The following EYS variants were observed in gnomAD, a reference collection of about 807,000 sequenced individuals.
EYS encodes EGF-like photoreceptor maintenance factor, also known as protein eyes shut homolog.
A neutral mutation model predicts 282.1 loss-of-function variants in EYS; 250 were observed. That is an observed-to-expected ratio of 0.89 (90% CI 0.80 to 0.98). The LOEUF is 0.98. Among genes scored for constraint, EYS ranks in the 50% least tolerant of loss-of-function variants. The pLI, the probability that EYS is intolerant of heterozygous loss-of-function variation, is 0.00. For synonymous variants in EYS, 1,355 were observed against 1,282.9 expected, an observed-to-expected ratio of 1.06 and a Z score of -1.20; for missense variants, 4,016 against 3,709.0, an observed-to-expected ratio of 1.08 and a Z score of -2.15.
At chr6:65,322,225 A>C (rs1769494991) in intron 11 of EYS, among the ~76,000 whole-genome samples, 3 of 152,142 alleles carry the variant, frequency 2.0e-5, no homozygotes, top group Admixed American at 2.0e-4. Context: ...CCACAGAGAG[A>C]GGAACCAGAT....
chr6:65,370,621 T>C lies in EYS; in HGVS notation c.1299+13765A>G, dbSNP rs571839485. 1.3e-5 allele frequency among the ~76,000 whole-genome samples: 2 copies of C among 151,696 alleles called. 1 individual carries two copies. Among genetic ancestry groups the C allele is most frequent in the Admixed American group, 1.3e-4 (2 of 14,906 alleles). On this transcript the variant is annotated intron_variant, in intron 8 of 42. Transcript: ENST00000503581. ...AAATTTTTTTTATGTATCACTTAATTTTTCCCACCTTGCAACAAATGCATC... is the reference window on the plus strand; with the variant it reads ...AAATTTTTTTTATGTATCACTTAATCTTTCCCACCTTGCAACAAATGCATC...
At chr6:64,099,468 C>T (rs1328470563) in intron 31 of EYS, among the ~76,000 whole-genome samples, 1 of 152,198 alleles carries the variant, frequency 6.6e-6, no homozygotes, top group African/African-American at 2.4e-5. Context: ...TATACCTTCA[C>T]AGTCTTGTCT....
At chr6:63,910,010 C>A (rs1428756744) in intron 35 of EYS, among the ~76,000 whole-genome samples, 1 of 151,874 alleles carries the variant, frequency 6.6e-6, no homozygotes, top group Non-Finnish European at 1.5e-5. Context: ...GTGCAGTGAG[C>A]CAAGGATGGA....
intron 41 of EYS, among the ~76,000 whole-genome samples, chr6:63,735,375 A>G (rs1049715585): frequency 1.3e-5 from 2 of 152,036 alleles, no homozygotes; most frequent in Non-Finnish European, 2.9e-5. Context: ...GCCATAACAA[A>G]AAGAACTCTC....
chr6:64,214,140 G>A (rs1008591213), intron 31 of EYS, among the ~76,000 whole-genome samples: 5 of 152,096 alleles, frequency 3.3e-5, no homozygotes, highest in South Asian at 2.1e-4. Flanking sequence ...AACTCCTTGT[G>A]TAAGAAGAAA....
intron 34 of EYS, among the ~76,000 whole-genome samples, chr6:63,985,544 A>T (rs1767315342): frequency 6.6e-6 from 1 of 151,732 alleles, no homozygotes. Context: ...TGGAATGTTG[A>T]AAATGTTACC....
In EYS at chr6:64,326,364, T is replaced by C. The variant is rs368613247; in HGVS notation, c.6079-19282A>G. On this transcript the variant is annotated intron_variant, in intron 29 of 42. Coordinates refer to ENST00000503581, the MANE Select transcript of EYS (RefSeq NM_001142800.2). ...CATGCCTGCAGGGTCACAAGACCAA[T>C]AAGTTTAGGTCGCAAGACATGTTTC... Among the ~76,000 whole-genome samples the C allele has an allele frequency of 2.0e-5, 3 of 152,076 alleles. No individual in the cohort carries two copies. In the South Asian group the frequency reaches 6.2e-4, roughly 32 times the overall value.
chr6:65,344,397 A>C (rs559437592), intron 9 of EYS, among the ~76,000 whole-genome samples: 1 of 151,644 alleles, frequency 6.6e-6, no homozygotes, highest in Non-Finnish European at 1.5e-5. Context: ...CACAAGAAGA[A>C]GAAGAGACAG....
chr6:63,989,558 T>A (rs1323958727), intron 34 of EYS, among the ~76,000 whole-genome samples: 2 of 151,668 alleles, frequency 1.3e-5, no homozygotes, highest in Non-Finnish European at 3.0e-5. Context: ...TTAATATATA[T>A]TTTTATTTTT....
intron 2 of EYS, among the ~76,000 whole-genome samples, chr6:65,564,351 T>A (rs896650589): frequency 3.9e-5 from 6 of 152,110 alleles, no homozygotes; most frequent in East Asian, 1.9e-4. Flanking sequence ...GTGGGAGGCA[T>A]CATGCTCCCT....
At chr6:65,601,232 A>C (rs1232234366) in intron 2 of EYS, among the ~76,000 whole-genome samples, 1 of 151,950 alleles carries the variant, frequency 6.6e-6, no homozygotes, top group Non-Finnish European at 1.5e-5. Flanking sequence ...TTAATTTGAG[A>C]GTAGTTTTAA....
At chr6:63,991,295 A>G (rs1371239716) in intron 34 of EYS, among the ~76,000 whole-genome samples, 2 of 151,672 alleles carry the variant, frequency 1.3e-5, no homozygotes, top group Non-Finnish European at 3.0e-5. Flanking sequence ...GTCTTATCAA[A>G]TGTGTGGATT....
chr6:63,849,982 A>G (rs189510516), intron 36 of EYS, among the ~76,000 whole-genome samples: 2 of 152,194 alleles, frequency 1.3e-5, no homozygotes, highest in East Asian at 3.9e-4. Flanking sequence ...AAGAACATAA[A>G]TGATCTGATG....
intron 22 of EYS, among the ~76,000 whole-genome samples, chr6:64,770,281 T>C (rs952491300): frequency 5.3e-5 from 8 of 151,956 alleles, no homozygotes; most frequent in African/African-American, 1.7e-4. Context: ...GGAATAGAAA[T>C]GGTTTGTAAA....
intron 29 of EYS, among the ~76,000 whole-genome samples, chr6:64,349,738 T>G (rs2150402381): frequency 6.6e-6 from 1 of 151,566 alleles, no homozygotes; most frequent in South Asian, 2.1e-4. Context: ...CTGCAATTTG[T>G]TAATGCCCTA....
At chr6:64,434,023 A>C (rs1774655533) in intron 28 of EYS, among the ~76,000 whole-genome samples, 1 of 152,048 alleles carries the variant, frequency 6.6e-6, no homozygotes, top group South Asian at 2.1e-4. Flanking sequence ...AGTACCTGAG[A>C]ATGTGACTAT....
intron 15 of EYS, among the ~76,000 whole-genome samples, chr6:64,921,582 GA>G (rs1375914590): frequency 6.6e-6 from 1 of 152,078 alleles, no homozygotes; most frequent in African/African-American, 2.4e-5. Context: ...AGTCAAGCCG[GA>G]GTCCAAGTGA....
Position 64,910,441 on chromosome 6 carries a change from T to C in EYS, c.2641+2043A>G, listed in dbSNP as rs544878564. On this transcript the variant is annotated intron_variant, in intron 16 of 42. Transcript: ENST00000503581. ...ACGTTATTACAGTATTCAGATCTGA[T>C]TTACAGAAACATACTCCACAATTAG... 2.0e-3 allele frequency among the ~76,000 whole-genome samples: 305 copies of C among 152,168 alleles called. 1 individual carries two copies. The highest frequency in any genetic ancestry group is 7.2e-3 in the African/African-American group (299 of 41,524).
intron 5 of EYS, among the ~76,000 whole-genome samples, chr6:65,412,375 G>GTTAA (rs1170419014): frequency 2.6e-5 from 4 of 152,130 alleles, no homozygotes; most frequent in African/African-American, 9.7e-5. Context: ...GGGTCATATG[G>GTTAA]TTAAGGCATG....
Sources: gnomAD v4.1 joint callset for allele counts (sites outside exome capture counted in the v4.1 genomes callset) on GRCh38, gnomAD v4.1.1 for gene constraint, MANE v1.5 for transcripts, NCBI Gene and HGNC (gene_info 2026-07-23, HGNC 2026-07-21) for gene names.